Variants in GLIS1 observed in about 807,000 individuals in gnomAD.
GLIS1 encodes the protein zinc finger protein GLIS1.
In GLIS1, 24 loss-of-function variants were observed where a neutral mutation model predicts 63.8. The observed-to-expected ratio is 0.38, with a 90% CI of 0.27 to 0.53. The LOEUF is 0.53. GLIS1 is among the 20% of genes least tolerant of loss of function. The pLI, the probability that GLIS1 is intolerant of heterozygous loss-of-function variation, is 0.85. For synonymous variants in GLIS1, 450 were observed against 482.5 expected (o/e 0.93, Z 0.88); for missense variants, 1,036 against 1,074.1 (o/e 0.96, Z 0.50).
At chr1:53,506,880 C>T in intron 10 of GLIS1, 104 bp from the exon 11 acceptor site, 10 of 1,169,230 alleles carry the variant, frequency 8.6e-6, no homozygotes, top group South Asian at 3.0e-5. Flanking sequence ...GTCATCCCCT[C>T]ACAGTGTCCC....
chr1:53,585,412 G>A (rs961840854), intron 4 of GLIS1, among the ~76,000 whole-genome samples: 1 of 152,072 alleles, frequency 6.6e-6, no homozygotes, highest in Admixed American at 6.6e-5. Context: ...GGCAGAGTAA[G>A]GGATTTGAAC....
chr1:53,638,828 G>A (rs1369615865), intron 2 of GLIS1, among the ~76,000 whole-genome samples: 2 of 152,150 alleles, frequency 1.3e-5, no homozygotes, highest in African/African-American at 4.8e-5. Context: ...ATGACGAGGC[G>A]GGCCCTGACC....
chr1:53,523,911 C>T (rs571190240), intron 6 of GLIS1, among the ~76,000 whole-genome samples: 4 of 152,204 alleles, frequency 2.6e-5, no homozygotes, highest in African/African-American at 7.2e-5. Context: ...GCTGCTTGGC[C>T]GCTGATCCTG....
At chr1:53,592,017 T>C (rs1645197038) in intron 4 of GLIS1, among the ~76,000 whole-genome samples, 1 of 152,128 alleles carries the variant, frequency 6.6e-6, no homozygotes, top group Non-Finnish European at 1.5e-5. Context: ...CTCCCACCCA[T>C]CTCTGAGCAT....
intron 2 of GLIS1, among the ~76,000 whole-genome samples, chr1:53,668,127 C>T (rs1646113386): frequency 6.6e-6 from 1 of 152,234 alleles, no homozygotes; most frequent in Non-Finnish European, 1.5e-5. Context: ...TTTTCAATTA[C>T]ACCTGGGTTT....
At chr1:53,593,541 G>C (rs1425115131) in intron 4 of GLIS1, among the ~76,000 whole-genome samples, 1 of 152,214 alleles carries the variant, frequency 6.6e-6, no homozygotes, top group Non-Finnish European at 1.5e-5. Context: ...TACTACCCAG[G>C]GCCTTAGCTA....
chr1:53,622,427 CAAAAAAAAA>C lies in GLIS1; in HGVS notation c.260-22158_260-22150del, dbSNP rs60923620. Among the ~76,000 whole-genome samples, 145 of 132,354 alleles carry C rather than the reference CAAAAAAAAA, an allele frequency of 1.1e-3. 1 individual carries two copies. Among genetic ancestry groups the C allele is most frequent in the African/African-American group, 3.9e-3 (130 of 33,080 alleles). The allele number at this position is 132,354 out of a possible 152,430, so 86.8% of individuals were successfully genotyped here. A position where few individuals can be genotyped will look rare whatever the true frequency, so the allele number is the denominator to read the frequency against. ...TGGACAACAGAGCTAGACTATGTCT[CAAAAAAAAA>C]AAAAAAAAAAAAAAGAAGAAGAAGA... On this transcript the variant is annotated intron_variant, in intron 2 of 10. Transcript: ENST00000628545.
intron 5 of GLIS1, among the ~76,000 whole-genome samples, chr1:53,525,721 T>C (rs148340687): frequency 7.2e-4 from 109 of 151,964 alleles, no homozygotes; most frequent in African/African-American, 2.5e-3. Context: ...GGTGGCTCCC[T>C]GGTGCCCTAC....
chr1:53,538,792 TCTGGG>T (rs1644608718), intron 4 of GLIS1, among the ~76,000 whole-genome samples: 1 of 152,082 alleles, frequency 6.6e-6, no homozygotes, highest in South Asian at 2.1e-4. Flanking sequence ...CACTGACAGC[TCTGGG>T]CTGGGCTCTT....
At chr1:53,573,691 G>A (rs1645005960) in intron 4 of GLIS1, among the ~76,000 whole-genome samples, 1 of 152,234 alleles carries the variant, frequency 6.6e-6, no homozygotes, top group African/African-American at 2.4e-5. Flanking sequence ...GAGACGTGGT[G>A]TGAGGAGCAC....
chr1:53,537,391 G>C (rs1336155665), intron 4 of GLIS1, among the ~76,000 whole-genome samples: 1 of 152,194 alleles, frequency 6.6e-6, no homozygotes, highest in Non-Finnish European at 1.5e-5. Context: ...TCTCCCTCTG[G>C]CTCCTGGGGA....
chr1:53,705,354 C>T (rs1421841480), intron 2 of GLIS1, among the ~76,000 whole-genome samples: 8 of 152,194 alleles, frequency 5.3e-5, no homozygotes, highest in African/African-American at 1.9e-4. Flanking sequence ...CACTCTGCAT[C>T]TAAATAAAAA....
rs903303941 is a variant in GLIS1, at chr1:53,536,068, G to T, written c.1321-6116C>A. On this transcript the variant is annotated intron_variant, in intron 4 of 10. Coordinates refer to ENST00000628545, the MANE Select transcript of GLIS1 (RefSeq NM_001367484.1). ...ACCAGATACCTCAGATGTAAGAAGGGGCACACTGTGGGGGCTCTGTGAACC... is the reference window on the plus strand; with the variant it reads ...ACCAGATACCTCAGATGTAAGAAGGTGCACACTGTGGGGGCTCTGTGAACC... Among the ~76,000 whole-genome samples the T allele has an allele frequency of 2.9e-4, 44 of 152,168 alleles. 3 individuals carry two copies. The highest frequency in any genetic ancestry group is 1.0e-3 in the African/African-American group (43 of 41,444).
intron 3 of GLIS1, among the ~76,000 whole-genome samples, chr1:53,595,637 G>A (rs1645248144): frequency 6.6e-6 from 1 of 152,206 alleles, no homozygotes; most frequent in South Asian, 2.1e-4. Flanking sequence ...GAGTTCTCCA[G>A]GAAGAAGGCT....
chr1:53,616,818 G>A (rs1325720051), intron 2 of GLIS1, among the ~76,000 whole-genome samples: 2 of 152,158 alleles, frequency 1.3e-5, no homozygotes. Flanking sequence ...TCCCTCCGAG[G>A]CTCGGGATTT....
rs114388668 is a variant in GLIS1, at chr1:53,539,658, G to A, written c.1321-9706C>T. On this transcript the variant is annotated intron_variant, in intron 4 of 10. Coordinates refer to ENST00000628545, the MANE Select transcript of GLIS1 (RefSeq NM_001367484.1). The surrounding 1 kb of genome is among the most constrained non-coding windows in gnomAD (Gnocchi z 5.0). ...CATGTTCACACATATACCCAAAGAC[G>A]TCCAAGCCCCAGACCTGCCACATTC... Among the ~76,000 whole-genome samples the A allele has an allele frequency of 0.016, 2,383 of 151,846 alleles. 21 individuals are homozygous for A. Among genetic ancestry groups the A allele is most frequent in the Non-Finnish European group, 0.027 (1,842 of 67,926 alleles).
chr1:53,565,770 G>C (rs1392077150), intron 4 of GLIS1, among the ~76,000 whole-genome samples: 1 of 151,432 alleles, frequency 6.6e-6, no homozygotes, highest in East Asian at 1.9e-4. Flanking sequence ...AATGTTCAAA[G>C]AACATATCAT....
intron 2 of GLIS1, among the ~76,000 whole-genome samples, chr1:53,710,432 TCAGA>T (rs1646634907): frequency 6.6e-6 from 1 of 152,262 alleles, no homozygotes; most frequent in South Asian, 2.1e-4. Context: ...GCAGGTGGTC[TCAGA>T]CAGACGAAGA....
intron 2 of GLIS1, among the ~76,000 whole-genome samples, chr1:53,662,557 G>A (rs1646040317): frequency 6.6e-6 from 1 of 152,114 alleles, no homozygotes; most frequent in Non-Finnish European, 1.5e-5. Flanking sequence ...TGGATCCTGA[G>A]GGCAAACCCA....
Sources: gnomAD v4.1 joint callset for allele counts (sites outside exome capture counted in the v4.1 genomes callset) on GRCh38, gnomAD v4.1.1 for gene constraint, Gnocchi (gnomAD v3.1) non-coding constraint, MANE v1.5 for transcripts, NCBI Gene and HGNC (gene_info 2026-07-23, HGNC 2026-07-21) for gene names.